UBL3: variants seen among roughly 807,000 people sequenced by gnomAD.
UBL3 encodes the protein ubiquitin-like protein 3.
A neutral mutation model predicts 18.4 loss-of-function variants in UBL3; 6 were observed. The ratio of observed to expected loss-of-function variants is 0.33; its 90% CI spans 0.18 to 0.64. The LOEUF is 0.64. Among genes scored for constraint, UBL3 ranks in the 30% least tolerant of loss-of-function variants. The pLI is 0.76. For missense variants in UBL3, 109 were observed against 142.9 expected (o/e 0.76, Z 1.21); for synonymous variants, 49 against 46.6 (o/e 1.05, Z -0.21).
chr13:29,777,350 A>T (rs1380234889), intron 1 of UBL3, 87 bp from the exon 2 acceptor site: 2 of 996,654 alleles, frequency 2.0e-6, no homozygotes, highest in African/African-American at 3.3e-5. Context: ...TTTCAATCAC[A>T]TCCTAAATTA....
At chr13:29,801,832 G>T (rs1005540344) in intron 1 of UBL3, among the ~76,000 whole-genome samples, 6 of 152,138 alleles carry the variant, frequency 3.9e-5, no homozygotes, top group Admixed American at 3.9e-4. Context: ...ACCCCAGGCC[G>T]AACACACTGA....
rs1876710594 is a variant in UBL3 at position 29,767,152 on chromosome 13, C to T, written c.*103G>A. The stretch of plus-strand genomic sequence containing the variant: ...GTGGTAATTCAGTTCCATGTGTTTA[C>T]AGGCAGACTGTTCTGAACGGTTTCT... On this transcript the variant is annotated 3_prime_UTR_variant, in exon 5 of 5. Transcript: ENST00000380680. The T allele has an allele frequency of 3.2e-6, 4 of 1,243,420 alleles. No individual in the cohort carries two copies. The highest frequency in any genetic ancestry group is 1.4e-5 in the South Asian group (1 of 72,642). The allele number at this position is 1,243,420 out of a possible 1,614,324, so 77.0% of individuals were successfully genotyped here.
chr13:29,779,921 T>C (rs1593652171), intron 1 of UBL3, among the ~76,000 whole-genome samples: 1 of 152,138 alleles, frequency 6.6e-6, no homozygotes, highest in East Asian at 1.9e-4. Context: ...ACAGCGGCCT[T>C]ATAAGAAGAG....
rs543905206 is a variant in UBL3 at position 29,803,384 on chromosome 13, C to T, written c.28-26121G>A. Among the ~76,000 whole-genome samples, 170 of 152,234 alleles carry T rather than the reference C, an allele frequency of 1.1e-3. 1 individual carries two copies. The highest frequency in any genetic ancestry group is 4.0e-3 in the African/African-American group (168 of 41,530). ...TAAAAGAATGATGCAAACAAGTCTA[C>T]ATGATAACCAGCTAACAATACAATG... On this transcript the variant is annotated intron_variant, in intron 1 of 4. Coordinates refer to ENST00000380680, the MANE Select transcript of UBL3 (RefSeq NM_007106.4).
intron 1 of UBL3, among the ~76,000 whole-genome samples, chr13:29,800,571 A>C (rs1877734360): frequency 6.6e-6 from 1 of 152,252 alleles, no homozygotes; most frequent in South Asian, 2.1e-4. Context: ...AAATCCTAAC[A>C]ATGATAAAGT....
At chr13:29,803,312 C>T (rs1877818771) in intron 1 of UBL3, among the ~76,000 whole-genome samples, 1 of 152,024 alleles carries the variant, frequency 6.6e-6, no homozygotes, top group Non-Finnish European at 1.5e-5. Context: ...CAGAAACACA[C>T]AGAAGTACAT....
intron 1 of UBL3, among the ~76,000 whole-genome samples, chr13:29,833,946 G>C (rs1878851205): frequency 4.6e-5 from 7 of 152,132 alleles, no homozygotes; most frequent in Admixed American, 3.9e-4. Context: ...TCAGCACTTT[G>C]GGAGGCCGCA....
At chr13:29,838,017 C>T (rs185104864) in intron 1 of UBL3, among the ~76,000 whole-genome samples, 9 of 150,476 alleles carry the variant, frequency 6.0e-5, no homozygotes, top group Admixed American at 6.0e-4. Flanking sequence ...ACTCTACAAG[C>T]TTTATGTAGA....
intron 1 of UBL3, among the ~76,000 whole-genome samples, chr13:29,822,817 T>C (rs1225074438): frequency 2.0e-5 from 3 of 152,194 alleles, no homozygotes; most frequent in Admixed American, 2.0e-4. Context: ...TGAGTGTAAA[T>C]TGCCTACACA....
chr13:29,848,696 G>GC (rs1422047994), intron 1 of UBL3, among the ~76,000 whole-genome samples: 5 of 152,026 alleles, frequency 3.3e-5, no homozygotes, highest in Non-Finnish European at 5.9e-5. Flanking sequence ...CACAAGCCCA[G>GC]CCCCAGCACT....
intron 1 of UBL3, among the ~76,000 whole-genome samples, chr13:29,785,945 G>A (rs1426591421): frequency 3.9e-5 from 6 of 152,216 alleles, no homozygotes; most frequent in African/African-American, 1.4e-4. Context: ...TGAGATTCCT[G>A]AGTAGGGTGT....
In UBL3 at chr13:29,818,994, C is replaced by G. The variant is rs370140474; in HGVS notation, c.27+30518G>C. Among the ~76,000 whole-genome samples the G allele has an allele frequency of 3.3e-5, 5 of 152,168 alleles. No individual in the cohort carries two copies. The South Asian group carries it at 8.3e-4, about 25-fold the overall frequency. ...ATTATGGTTGTTTTAAAAATAATCA[C>G]TATATATTACATATCTGGGAATATT... On this transcript the variant is annotated intron_variant, in intron 1 of 4. Coordinates refer to ENST00000380680, the MANE Select transcript of UBL3 (RefSeq NM_007106.4).
intron 1 of UBL3, among the ~76,000 whole-genome samples, chr13:29,818,011 G>C (rs1878328721): frequency 6.6e-6 from 1 of 152,092 alleles, no homozygotes; most frequent in Non-Finnish European, 1.5e-5. Flanking sequence ...GCAAATTAAG[G>C]TGCTTCATTC....
intron 1 of UBL3, among the ~76,000 whole-genome samples, chr13:29,791,977 T>G (rs967673362): frequency 6.6e-6 from 1 of 152,228 alleles, no homozygotes; most frequent in Non-Finnish European, 1.5e-5. Flanking sequence ...ATTATGCGTA[T>G]GTGGCTACAG....
At chr13:29,846,163 CAACATAAATAA>C (rs1391477791) in intron 1 of UBL3, among the ~76,000 whole-genome samples, 2 of 151,886 alleles carry the variant, frequency 1.3e-5, no homozygotes, top group Non-Finnish European at 2.9e-5. Context: ...ATCTTGGCTG[CAACATAAATAA>C]ATAAATACAT....
intron 1 of UBL3, among the ~76,000 whole-genome samples, chr13:29,797,107 C>G (rs1343728337): frequency 6.6e-6 from 1 of 152,052 alleles, no homozygotes; most frequent in African/African-American, 2.4e-5. Flanking sequence ...AAAACATTAT[C>G]AAACAGGCTC....
intron 1 of UBL3, among the ~76,000 whole-genome samples, chr13:29,798,137 T>C (rs1272683690): frequency 3.9e-5 from 6 of 152,106 alleles, no homozygotes; most frequent in Non-Finnish European, 8.8e-5. Context: ...GCGATTCTCC[T>C]GCCTCAGCCT....
intron 1 of UBL3, among the ~76,000 whole-genome samples, chr13:29,817,916 CATTTGA>C (rs1878326457): frequency 6.6e-6 from 1 of 152,144 alleles, no homozygotes. Flanking sequence ...TTGCTTTTAT[CATTTGA>C]GTTACAGAAA....
At chr13:29,767,375 A>C in intron 4 of UBL3, 68 bp from the exon 5 acceptor site, 1 of 1,580,900 alleles carries the variant, frequency 6.3e-7, no homozygotes, top group Non-Finnish European at 8.7e-7. Context: ...GGGCTAGGCA[A>C]TCAAGTGTAG....
Sources: allele counts gnomAD v4.1 joint callset (sites outside exome capture counted in the v4.1 genomes callset), GRCh38; gene constraint gnomAD v4.1.1; transcripts MANE v1.5; gene names NCBI Gene and HGNC (gene_info 2026-07-23, HGNC 2026-07-21).